Variants in PHLPP1 observed in about 807,000 individuals in gnomAD.
PHLPP1 encodes the protein PH domain and leucine rich repeat protein phosphatase 1, also known as PH domain leucine-rich repeat-containing protein phosphatase 1.
In PHLPP1, 42 loss-of-function variants were observed where a neutral mutation model predicts 117.2. The ratio of observed to expected loss-of-function variants is 0.36; its 90% CI spans 0.28 to 0.46. The LOEUF is 0.46. Among genes scored for constraint, PHLPP1 ranks in the 20% least tolerant of loss-of-function variants. The pLI, the probability that PHLPP1 is intolerant of heterozygous loss-of-function variation, is 1.00. For synonymous variants in PHLPP1, 1,042 were observed against 970.7 expected, an observed-to-expected ratio of 1.07 and a Z score of -1.37; for missense variants, 2,084 against 2,241.9, an observed-to-expected ratio of 0.93 and a Z score of 1.42.
chr18:62,890,431 A>G (rs2144393558), intron 4 of PHLPP1, among the ~76,000 whole-genome samples: 1 of 151,948 alleles, frequency 6.6e-6, no homozygotes, highest in South Asian at 2.1e-4. Flanking sequence ...ACGCTCGGCT[A>G]ATTTTTATAT....
intron 1 of PHLPP1, among the ~76,000 whole-genome samples, chr18:62,813,912 A>G (rs1272743058): frequency 6.6e-6 from 1 of 152,016 alleles, no homozygotes; most frequent in East Asian, 1.9e-4. Flanking sequence ...TTAAAAGTTC[A>G]TGGCTCATTT....
chr18:62,883,789 G>A (rs1487109707), intron 4 of PHLPP1, among the ~76,000 whole-genome samples: 2 of 152,120 alleles, frequency 1.3e-5, no homozygotes, highest in East Asian at 3.8e-4. Flanking sequence ...ACCTCCAGCA[G>A]GGTTTAAGAG....
chr18:62,769,014 C>G (rs1912656200), intron 1 of PHLPP1, among the ~76,000 whole-genome samples: 1 of 152,006 alleles, frequency 6.6e-6, no homozygotes, highest in South Asian at 2.1e-4. Context: ...TAGAAATAAA[C>G]TATTGAAAGT....
chr18:62,945,395 C>A, intron 12 of PHLPP1, 124 bp downstream of exon 12: 2 of 718,604 alleles, frequency 2.8e-6, no homozygotes, highest in South Asian at 5.1e-5. Flanking sequence ...CCCCATTAGC[C>A]CTTACTTCCT....
intron 3 of PHLPP1, among the ~76,000 whole-genome samples, chr18:62,850,187 A>G (rs187375989): frequency 6.6e-6 from 1 of 151,462 alleles, no homozygotes; most frequent in Non-Finnish European, 1.5e-5. Context: ...CAGGAGTTTG[A>G]GACCAGCCTG....
chr18:62,716,897 C>G lies in PHLPP1; in HGVS notation c.1214C>G (p.Pro405Arg), dbSNP rs778653099. Residue 405 changes from proline to arginine, a missense_variant, in exon 1 of 17, where the codon CCG (proline) becomes CGG (arginine). Transcript: ENST00000262719. This position sits in a 1 kb window ranked among gnomAD's most constrained non-coding sequence, Gnocchi z 5.7. The part of the protein sequence containing the change: ...RRPGHPAQPL[P>R]LPQTASSPQP... ...CCCGGCCACCCCGCGCAGCCCCTCC[C>G]GCTTCCCCAGACGGCTTCCTCGCCT... The G allele has an allele frequency of 1.3e-6, 2 of 1,531,232 alleles. No homozygotes were observed. Among genetic ancestry groups the G allele is most frequent in the Non-Finnish European group, 1.7e-6 (2 of 1,144,488 alleles). 94.9% of individuals were successfully genotyped at this position (1,531,232 alleles called of 1,614,324 possible). A position where few individuals can be genotyped will look rare whatever the true frequency, so the allele number is the denominator to read the frequency against.
intron 3 of PHLPP1, among the ~76,000 whole-genome samples, chr18:62,846,804 T>G (rs1020034967): frequency 1.3e-5 from 2 of 152,206 alleles, no homozygotes; most frequent in Non-Finnish European, 2.9e-5. Context: ...GTATTAAGTT[T>G]TTGTTACACA....
intron 10 of PHLPP1, among the ~76,000 whole-genome samples, chr18:62,927,618 A>G (rs1909674802): frequency 6.6e-6 from 1 of 152,114 alleles, no homozygotes; most frequent in South Asian, 2.1e-4. Flanking sequence ...GGGAGAATAC[A>G]CCCGAAAAAT....
chr18:62,808,644 T>C (rs1393482095), intron 1 of PHLPP1, among the ~76,000 whole-genome samples: 1 of 151,636 alleles, frequency 6.6e-6, no homozygotes, highest in Non-Finnish European at 1.5e-5. Flanking sequence ...CTCCGCCTCC[T>C]GGGTTCAAGC....
intron 9 of PHLPP1, among the ~76,000 whole-genome samples, chr18:62,919,053 G>A (rs984321764): frequency 6.6e-6 from 1 of 152,152 alleles, no homozygotes; most frequent in Non-Finnish European, 1.5e-5. Flanking sequence ...GGATGAGGAA[G>A]CCTCATTCTT....
chr18:62,863,432 G>A (rs1457601894), intron 4 of PHLPP1, among the ~76,000 whole-genome samples: 1 of 151,940 alleles, frequency 6.6e-6, no homozygotes, highest in Non-Finnish European at 1.5e-5. Flanking sequence ...TGAACTCTTG[G>A]ACTCAAGTGA....
Position 62,901,159 on chromosome 18 carries a change from G to A in PHLPP1, c.2445-1805G>A, listed in dbSNP as rs117795727. Among the ~76,000 whole-genome samples the A allele has an allele frequency of 9.9e-4, 150 of 152,262 alleles. 1 individual carries two copies. The East Asian group carries it at 0.024, about 25-fold the overall frequency. ...ATTTCATTGTATTGAATGAAATTGT[G>A]TGTGGCTCTTTCAAGTGAAGATGAT... On this transcript the variant is annotated intron_variant, in intron 6 of 16. Coordinates refer to ENST00000262719, the MANE Select transcript of PHLPP1 (RefSeq NM_194449.4).
intron 10 of PHLPP1, among the ~76,000 whole-genome samples, chr18:62,933,948 A>G (rs1040135851): frequency 2.6e-5 from 4 of 152,210 alleles, no homozygotes; most frequent in Admixed American, 2.6e-4. Context: ...CAAAAGAAAA[A>G]ATTCAGGCTG....
At chr18:62,757,465 G>A (rs1313705176) in intron 1 of PHLPP1, among the ~76,000 whole-genome samples, 1 of 152,200 alleles carries the variant, frequency 6.6e-6, no homozygotes, top group African/African-American at 2.4e-5. Context: ...TCTTTGTAGT[G>A]CAGGCCATAC....
At chr18:62,769,518 C>G (rs997946458) in intron 1 of PHLPP1, among the ~76,000 whole-genome samples, 4 of 151,962 alleles carry the variant, frequency 2.6e-5, no homozygotes, top group African/African-American at 9.7e-5. Flanking sequence ...TAAAATGCAT[C>G]TTTTTTTTAA....
intron 1 of PHLPP1, among the ~76,000 whole-genome samples, chr18:62,751,360 C>T (rs558220627): frequency 6.6e-6 from 1 of 152,108 alleles, no homozygotes; most frequent in East Asian, 1.9e-4. Flanking sequence ...GAAGGTGGCT[C>T]GGAATTTGAC....
chr18:62,766,076 A>AAATATATATATATATATATATATAT, intron 1 of PHLPP1, among the ~76,000 whole-genome samples: 4 of 21,654 alleles, frequency 1.8e-4, no homozygotes, highest in Non-Finnish European at 1.7e-4. Context: ...AAAAAAAAAA[A>AAATATATATATATATATATATATAT]ATATATATAT....
At chr18:62,955,765 G>C (rs754154418) in intron 12 of PHLPP1, among the ~76,000 whole-genome samples, 12 of 152,170 alleles carry the variant, frequency 7.9e-5, no homozygotes, top group African/African-American at 1.2e-4. Flanking sequence ...TATTTCTGCA[G>C]AATGCCTTTA....
chr18:62,923,133 C>A (rs562995306), intron 10 of PHLPP1, among the ~76,000 whole-genome samples: 146 of 152,158 alleles, frequency 9.6e-4, no homozygotes, highest in African/African-American at 3.3e-3. Context: ...GGCAGAAATC[C>A]CCATACAAAT....
Sources: gnomAD v4.1 joint callset for allele counts (sites outside exome capture counted in the v4.1 genomes callset) on GRCh38, gnomAD v4.1.1 for gene constraint, Gnocchi (gnomAD v3.1) non-coding constraint, MANE v1.5 for transcripts, NCBI Gene and HGNC (gene_info 2026-07-23, HGNC 2026-07-21) for gene names.